The following CLPTM1 variants were observed in gnomAD, a reference collection of about 807,000 sequenced individuals.
CLPTM1 encodes the protein putative lipid scramblase CLPTM1.
A neutral mutation model predicts 77.3 loss-of-function variants in CLPTM1; 21 were observed. That is an observed-to-expected ratio of 0.27 (90% CI 0.19 to 0.39). CLPTM1 has a LOEUF of 0.39. Ranked by LOEUF, CLPTM1 falls within the 10% of genes least tolerant of loss-of-function variation. The pLI, the probability that CLPTM1 is intolerant of heterozygous loss-of-function variation, is 1.00. For missense variants in CLPTM1, 642 were observed against 921.2 expected (o/e 0.70, Z 3.92); for synonymous variants, 373 against 381.0 (o/e 0.98, Z 0.24).
In CLPTM1 at chr19:44,990,773, G is replaced by A. The variant is rs889939095; in HGVS notation, c.1324-77G>A. The A allele has an allele frequency of 8.2e-5, 113 of 1,372,866 alleles. No individual in the cohort carries two copies. Among genetic ancestry groups the A allele is most frequent in the Non-Finnish European group, 1.0e-4 (100 of 971,642 alleles). 85.0% of individuals were successfully genotyped at this position (1,372,866 alleles called of 1,614,324 possible). ...GGGCAGGGGAACTGGGAACGGTGGG[G>A]AAGGGCAGGGGCTGGTTCTGGCTTG... On this transcript the variant is annotated intron_variant, in intron 10 of 13. Coordinates refer to ENST00000337392, the MANE Select transcript of CLPTM1 (RefSeq NM_001294.4). The surrounding 1 kb of genome is among the most constrained non-coding windows in gnomAD (Gnocchi z 4.8).
chr19:44,990,486 C>G lies in CLPTM1; in HGVS notation c.1224C>G (p.Leu408=). Residue 408 remains leucine, a synonymous_variant, in exon 10 of 14, where the codon CTC becomes CTG. Transcript: ENST00000337392. The surrounding 1 kb of genome is among the most constrained non-coding windows in gnomAD (Gnocchi z 4.8). ...TTTTCCAGTCATTCGTGGTCCTCCT[C>G]TACATCCTGGACAACGAGACCAACT... ...FGVFQSFVVL[L]YILDNETNFV... 1 of 1,614,150 alleles carries G rather than the reference C, an allele frequency of 6.2e-7. No homozygotes were observed. The highest frequency in any genetic ancestry group is 8.5e-7 in the Non-Finnish European group (1 of 1,180,000).
At chr19:44,969,678 T>G (rs1970687550) in intron 2 of CLPTM1, among the ~76,000 whole-genome samples, 1 of 145,680 alleles carries the variant, frequency 6.9e-6, no homozygotes, top group Non-Finnish European at 1.5e-5. Context: ...TTTCTTCTCT[T>G]TAAGGACACT....
chr19:44,973,334 G>C, intron 3 of CLPTM1, 124 bp downstream of exon 3: 1 of 1,343,306 alleles, frequency 7.4e-7, no homozygotes, highest in South Asian at 1.3e-5. Flanking sequence ...TAGGAAAACA[G>C]GTCCAGGGTT....
chr19:44,960,495 A>C (rs908364427), intron 1 of CLPTM1, among the ~76,000 whole-genome samples: 1 of 152,160 alleles, frequency 6.6e-6, no homozygotes, highest in African/African-American at 2.4e-5. Flanking sequence ...CCAGGACTAT[A>C]GCTGAGGTCT....
chr19:44,954,697 G>A, upstream of CLPTM1: 3 of 1,179,954 alleles, frequency 2.5e-6, no homozygotes, highest in Non-Finnish European at 3.2e-6. Flanking sequence ...GCCCACGGAT[G>A]CGAGGTTTGG....
At chr19:44,987,566 C>G in intron 8 of CLPTM1, 143 bp downstream of exon 8, 6 of 1,181,724 alleles carry the variant, frequency 5.1e-6, no homozygotes, top group South Asian at 1.5e-5. Flanking sequence ...GGTCCCTTCT[C>G]CACAGTGAAA....
intron 9 of CLPTM1, among the ~76,000 whole-genome samples, chr19:44,989,812 G>T (rs1376982587): frequency 2.0e-5 from 3 of 152,276 alleles, no homozygotes; most frequent in East Asian, 3.9e-4. Context: ...ATGCTGACAT[G>T]GATCCTTGGC....
At chr19:44,955,583 GA>G in intron 1 of CLPTM1, 116 bp downstream of exon 1, 3 of 964,580 alleles carry the variant, frequency 3.1e-6, no homozygotes, top group Non-Finnish European at 4.0e-6. Flanking sequence ...TGGCCAGAGG[GA>G]CCTTGAATAC....
At chr19:44,972,464 T>C (rs1041076058) in intron 2 of CLPTM1, among the ~76,000 whole-genome samples, 9 of 151,980 alleles carry the variant, frequency 5.9e-5, no homozygotes, top group East Asian at 3.9e-4. Flanking sequence ...TTAGCCAGGA[T>C]GGTCTCAATC....
At chr19:44,981,111 G>A (rs1411811845) in intron 5 of CLPTM1, among the ~76,000 whole-genome samples, 3 of 151,300 alleles carry the variant, frequency 2.0e-5, no homozygotes, top group Non-Finnish European at 4.4e-5. Context: ...AAAGCACTGG[G>A]ATTACAGGCA....
intron 1 of CLPTM1, among the ~76,000 whole-genome samples, chr19:44,960,058 CTA>C (rs1490310803): frequency 1.3e-5 from 2 of 152,194 alleles, no homozygotes; most frequent in Non-Finnish European, 2.9e-5. Context: ...ACTTGGACCC[CTA>C]AATTTCCCAA....
chr19:44,988,687 G>A (rs204466), intron 9 of CLPTM1, among the ~76,000 whole-genome samples: 139,154 of 152,302 alleles, frequency 0.91, 63,859 homozygotes, highest in Non-Finnish European at 0.96. Context: ...CTTGAGCCCT[G>A]TGGGAGCCAG....
chr19:44,991,391 C>T lies in CLPTM1; in HGVS notation c.1555+18C>T, dbSNP rs1177644715. The T allele has an allele frequency of 6.2e-7, 1 of 1,607,724 alleles. No homozygotes were observed. The highest frequency in any genetic ancestry group is 2.2e-5 in the East Asian group (1 of 44,888). ...GACCTTCGGTGAGCGGTCCGGCCGC[C>T]CCAGGAGAGAGCAGGCCCCATGCTG... On this transcript the variant is annotated intron_variant, in intron 12 of 13. Coordinates refer to ENST00000337392, the MANE Select transcript of CLPTM1 (RefSeq NM_001294.4). This position sits in a 1 kb window ranked among gnomAD's most constrained non-coding sequence, Gnocchi z 5.4.
chr19:44,974,124 G>A (rs16979595), intron 3 of CLPTM1, among the ~76,000 whole-genome samples: 28,900 of 151,734 alleles, frequency 0.19, 2,922 homozygotes, highest in East Asian at 0.27. Flanking sequence ...GCTCTGACCA[G>A]GAAGGCCCAG....
At position 44,993,012 on chromosome 19, in the gene CLPTM1, G is replaced by T; in HGVS notation, c.*115G>T. On this transcript the variant is annotated 3_prime_UTR_variant, in exon 14 of 14. Transcript: ENST00000337392. ...TGGACAGATCAGGCCGGGGCGGTGG[G>T]AGGCCCGCCTCAGGTCAGGGCCCAG... 7.6e-7 allele frequency: 1 copy of T among 1,314,084 alleles called. No homozygotes were observed. Among genetic ancestry groups the T allele is most frequent in the Non-Finnish European group, 1.1e-6 (1 of 941,362 alleles). 81.4% of individuals were successfully genotyped at this position (1,314,084 alleles called of 1,614,324 possible). A position where few individuals can be genotyped will look rare whatever the true frequency, so the allele number is the denominator to read the frequency against.
intron 1 of CLPTM1, among the ~76,000 whole-genome samples, chr19:44,956,176 C>A (rs1970461408): frequency 6.6e-6 from 1 of 152,154 alleles, no homozygotes; most frequent in African/African-American, 2.4e-5. Flanking sequence ...GATGGAGAGA[C>A]ATGAAGGTGC....
chr19:44,973,854 C>T (rs204480), intron 3 of CLPTM1, among the ~76,000 whole-genome samples: 31,541 of 149,450 alleles, frequency 0.21, 3,794 homozygotes, highest in Admixed American at 0.31. Flanking sequence ...ACCTCTGCCT[C>T]CCGGGCTCCA....
At chr19:44,964,197 G>C (rs1970589628) in intron 2 of CLPTM1, among the ~76,000 whole-genome samples, 1 of 150,390 alleles carries the variant, frequency 6.6e-6, no homozygotes, top group African/African-American at 2.4e-5. Context: ...CGGTGGTACT[G>C]AAGGTTGAGA....
intron 4 of CLPTM1, among the ~76,000 whole-genome samples, chr19:44,975,649 C>G (rs1970795071): frequency 6.6e-6 from 1 of 152,048 alleles, no homozygotes; most frequent in African/African-American, 2.4e-5. Flanking sequence ...ACTGCAACTT[C>G]ACCTCCCAGG....
Sources: allele counts gnomAD v4.1 joint callset (sites outside exome capture counted in the v4.1 genomes callset), GRCh38; gene constraint gnomAD v4.1.1; non-coding constraint Gnocchi (gnomAD v3.1); transcripts MANE v1.5; gene names NCBI Gene and HGNC (gene_info 2026-07-23, HGNC 2026-07-21).